The following FAM184A variants were observed in gnomAD, a reference collection of about 807,000 sequenced individuals.
FAM184A encodes protein FAM184A.
A neutral mutation model predicts 143.8 loss-of-function variants in FAM184A; 99 were observed. The ratio of observed to expected loss-of-function variants is 0.69; its 90% CI spans 0.58 to 0.81. FAM184A has a LOEUF of 0.81. FAM184A is among the 40% of genes least tolerant of loss of function. The pLI is 0.00. For synonymous variants in FAM184A, 427 were observed against 446.4 expected, an observed-to-expected ratio of 0.96 and a Z score of 0.55; for missense variants, 1,217 against 1,310.5, an observed-to-expected ratio of 0.93 and a Z score of 1.10.
intron 1 of FAM184A, among the ~76,000 whole-genome samples, chr6:119,059,806 A>G: frequency 6.6e-6 from 1 of 152,250 alleles, no homozygotes; most frequent in South Asian, 2.1e-4. Flanking sequence ...TACATGCTTT[A>G]TTAATGAAAA....
intron 1 of FAM184A, among the ~76,000 whole-genome samples, chr6:119,067,888 C>T (rs1305867024): frequency 6.6e-6 from 1 of 152,176 alleles, no homozygotes; most frequent in African/African-American, 2.4e-5. Flanking sequence ...GGAAGGATCA[C>T]TTGACCCCAG....
chr6:119,083,955 G>A (rs1788143309), intron 1 of FAM184A, among the ~76,000 whole-genome samples: 1 of 152,138 alleles, frequency 6.6e-6, no homozygotes, highest in South Asian at 2.1e-4. Context: ...ACCTGAGACT[G>A]GGTATTTATA....
Position 119,127,830 on chromosome 6 carries a change from G to GCATTCATT in FAM184A, c.-202+21240_-202+21247dup, listed in dbSNP as rs112401976. On this transcript the variant is annotated intron_variant, in intron 1 of 16. Coordinates refer to the FAM184A transcript ENST00000352896. ...TTCTTCAGGTCATTCCATCATTCAT[G>GCATTCATT]CATTCATTCATTCATTCATTCATTC... Among the ~76,000 whole-genome samples the GCATTCATT allele has an allele frequency of 4.7e-3, 716 of 152,226 alleles. 4 individuals carry two copies. The highest frequency in any genetic ancestry group is 0.016 in the African/African-American group (684 of 41,506).
At chr6:119,061,525 A>ATTTTTTTT (rs1476201793) in intron 1 of FAM184A, among the ~76,000 whole-genome samples, 2 of 51,598 alleles carry the variant, frequency 3.9e-5, no homozygotes, top group Non-Finnish European at 7.6e-5. Context: ...CTGGCTAATT[A>ATTTTTTTT]TTTTTCTTTT....
chr6:119,006,801 A>C (rs913602313), intron 6 of FAM184A, among the ~76,000 whole-genome samples, 193 bp from the exon 7 acceptor site: 1 of 152,160 alleles, frequency 6.6e-6, no homozygotes, highest in Non-Finnish European at 1.5e-5. Flanking sequence ...TTTCACATTT[A>C]AGATCTTCTT....
At chr6:119,102,784 C>CAAAAAAAAAAAAAAAAA (rs58686018) in intron 1 of FAM184A, among the ~76,000 whole-genome samples, 38 of 30,076 alleles carry the variant, frequency 1.3e-3, no homozygotes, top group Non-Finnish European at 1.8e-3. Context: ...GACTCCATCT[C>CAAAAAAAAAAAAAAAAA]AAAAAAAAAA....
Position 118,970,008 on chromosome 6 carries a change from A to ATATATATTT in FAM184A, c.2916-3057_2916-3056insAAATATATA. 1.6e-4 allele frequency among the ~76,000 whole-genome samples: 3 copies of ATATATATTT among 19,052 alleles called. 1 individual carries two copies. The highest frequency in any genetic ancestry group is 2.3e-4 in the Non-Finnish European group (2 of 8,884). The allele number at this position is 19,052 out of a possible 152,430, so 12.5% of individuals were successfully genotyped here. On this transcript the variant is annotated intron_variant, in intron 14 of 17. Coordinates refer to ENST00000338891, the MANE Select transcript of FAM184A (RefSeq NM_024581.6). Reference sequence around the variant, plus strand: ...ATATATATATAATATATATATATATATTTTTTTTTTTTTGAGATGGAGTTT... The same window carrying ATATATATTT: ...ATATATATATAATATATATATATATATATATATTTTTTTTTTTTTTTTGAGATGGAGTTT...
rs554873312 is a variant in FAM184A, at chr6:119,144,136, G to A, written c.-202+4942C>T. Among the ~76,000 whole-genome samples, 11 of 149,742 alleles carry A rather than the reference G, an allele frequency of 7.3e-5. No homozygotes were observed. In the East Asian group the frequency reaches 2.2e-3, roughly 30 times the overall value. ...AGGTCAGAAGATCGAGACCATCCTG[G>A]CTAACGCAGTGAAACCCTGTCTCTA... is the stretch of plus-strand genomic sequence containing the variant. On this transcript the variant is annotated intron_variant, in intron 1 of 16. Coordinates refer to the FAM184A transcript ENST00000352896.
intron 1 of FAM184A, chr6:119,031,551 G>C (rs1785872889): frequency 6.6e-6 from 1 of 152,174 alleles, no homozygotes; most frequent in African/African-American, 2.4e-5. Context: ...ACTCAGTCCA[G>C]GTTATTACAT....
At chr6:119,051,492 ATAACT>A (rs1357713365) in intron 1 of FAM184A, among the ~76,000 whole-genome samples, 1 of 152,242 alleles carries the variant, frequency 6.6e-6, no homozygotes, top group Non-Finnish European at 1.5e-5. Flanking sequence ...ACTATAGTCA[ATAACT>A]TAATTGTATA....
Position 119,049,222 on chromosome 6 carries a change from C to T in FAM184A, c.160-24409G>A, listed in dbSNP as rs181082390. 1.4e-3 allele frequency among the ~76,000 whole-genome samples: 213 copies of T among 152,268 alleles called. 5 individuals carry two copies. In the East Asian group the frequency reaches 0.032, roughly 23 times the overall value. ...CAGCCCTTTGGGAGGCCAAGACAGGCGGATCACCTGAGGTCAGGAGTTCGA... is the reference window on the plus strand; with the variant it reads ...CAGCCCTTTGGGAGGCCAAGACAGGTGGATCACCTGAGGTCAGGAGTTCGA... On this transcript the variant is annotated intron_variant, in intron 1 of 17. Coordinates refer to ENST00000338891, the MANE Select transcript of FAM184A (RefSeq NM_024581.6).
chr6:119,072,002 C>T (rs1164813932), intron 1 of FAM184A, among the ~76,000 whole-genome samples: 1 of 150,826 alleles, frequency 6.6e-6, no homozygotes, highest in Non-Finnish European at 1.5e-5. Flanking sequence ...GCTGGGATTA[C>T]AAGCACCCAC....
Position 119,078,656 on chromosome 6 carries a change from G to T in FAM184A, c.-357C>A. 5.7e-6 allele frequency: 1 copy of T among 174,008 alleles called. No homozygotes were observed. Among genetic ancestry groups the T allele is most frequent in the South Asian group, 2.0e-4 (1 of 5,058 alleles). The allele number at this position is 174,008 out of a possible 1,614,324, so 10.8% of individuals were successfully genotyped here. On this transcript the variant is annotated 5_prime_UTR_variant, in exon 1 of 18. Transcript: ENST00000338891. This position sits in a 1 kb window ranked among gnomAD's most constrained non-coding sequence, Gnocchi z 5.5. ...CGCTCGCAGCCCGCACCGAGGACTC[G>T]GCGAGGCTGCGGAGGGAGGAGGAGA...
At chr6:119,013,857 G>A (rs1257654102) in intron 5 of FAM184A, among the ~76,000 whole-genome samples, 4 of 152,102 alleles carry the variant, frequency 2.6e-5, no homozygotes, top group African/African-American at 4.8e-5. Flanking sequence ...TGGCTCTCAC[G>A]AAATCATCGA....
intron 1 of FAM184A, among the ~76,000 whole-genome samples, chr6:119,084,449 A>G (rs1231073660): frequency 6.6e-6 from 1 of 152,210 alleles, no homozygotes; most frequent in Non-Finnish European, 1.5e-5. Flanking sequence ...GGGCACACTG[A>G]TGCAAGAGGT....
chr6:119,071,402 C>T (rs4946391), intron 1 of FAM184A, among the ~76,000 whole-genome samples: 33,276 of 152,018 alleles, frequency 0.22, 4,996 homozygotes, highest in African/African-American at 0.39. Context: ...ATTTTAAATA[C>T]GTTTCAGTTT....
At chr6:118,999,256 G>C (rs778125982) in intron 9 of FAM184A, among the ~76,000 whole-genome samples, 24 of 152,098 alleles carry the variant, frequency 1.6e-4, no homozygotes, top group Non-Finnish European at 2.8e-4. Context: ...CTTTAATTTA[G>C]ATATTTAAAT....
intron 1 of FAM184A, among the ~76,000 whole-genome samples, chr6:119,072,609 G>A (rs759256239): frequency 6.6e-5 from 10 of 152,070 alleles, no homozygotes; most frequent in Admixed American, 2.6e-4. Flanking sequence ...TTCTGGTTTT[G>A]GATATAGTAA....
chr6:118,969,992 T>TATAA (rs10643600), intron 14 of FAM184A, among the ~76,000 whole-genome samples: 1,298 of 13,726 alleles, frequency 0.095, 274 homozygotes, highest in East Asian at 0.12. Context: ...TATATATATA[T>TATAA]AATATATATA....
Sources: gnomAD v4.1 joint callset for allele counts (sites outside exome capture counted in the v4.1 genomes callset) on GRCh38, gnomAD v4.1.1 for gene constraint, Gnocchi (gnomAD v3.1) non-coding constraint, MANE v1.5 for transcripts, NCBI Gene and HGNC (gene_info 2026-07-23, HGNC 2026-07-21) for gene names.